The following NARF variants were observed in gnomAD, a reference collection of about 807,000 sequenced individuals.
NARF encodes the protein nuclear prelamin A recognition factor.
In NARF, 41 loss-of-function variants were observed where a neutral mutation model predicts 48.0. That is an observed-to-expected ratio of 0.85 (90% CI 0.66 to 1.11). The LOEUF (loss-of-function observed/expected upper bound fraction) is 1.11, where lower values mean the gene tolerates loss of function less well. NARF is among the 50% of genes least tolerant of loss of function. The pLI is 0.00. For missense variants in NARF, 613 were observed against 590.2 expected (o/e 1.04, Z -0.40); for synonymous variants, 215 against 225.5 (o/e 0.95, Z 0.42).
rs147954209 is a variant in NARF at position 82,484,262 on chromosome 17, T to G, written c.833+483T>G. 561 of 159,286 alleles carry G rather than the reference T, an allele frequency of 3.5e-3. 2 individuals are homozygous for G. The highest frequency in any genetic ancestry group is 0.013 in the African/African-American group (532 of 41,678). 9.9% of individuals were successfully genotyped at this position (159,286 alleles called of 1,614,324 possible). Reference sequence around the variant, plus strand: ...AGGGCTCCTGCTGCACCCCAGGCACTGGGCAGAGAGCACCACAAAGGCAGC... The same window carrying G: ...AGGGCTCCTGCTGCACCCCAGGCACGGGGCAGAGAGCACCACAAAGGCAGC... On this transcript the variant is annotated intron_variant, in intron 8 of 10. Coordinates refer to ENST00000309794, the MANE Select transcript of NARF (RefSeq NM_012336.4).
At chr17:82,483,285 C>G in intron 7 of NARF, 1 of 361,998 alleles carries the variant, frequency 2.8e-6, no homozygotes, top group Non-Finnish European at 5.4e-6. Context: ...CACCACTGGA[C>G]TCCAGCCTGG....
intron 3 of NARF, among the ~76,000 whole-genome samples, chr17:82,468,307 GT>G (rs1031079085): frequency 0.031 from 4,093 of 131,576 alleles, 150 homozygotes; most frequent in African/African-American, 0.094. Context: ...GTGAAACTCT[GT>G]TTTTTTTTTT....
rs3794729 is a variant in NARF at position 82,484,392 on chromosome 17, G to A, written c.834-421G>A. 1.4e-4 allele frequency: 23 copies of A among 161,904 alleles called. No homozygotes were observed. The East Asian group carries it at 4.0e-3, about 28-fold the overall frequency. The allele number at this position is 161,904 out of a possible 1,614,324, so 10.0% of individuals were successfully genotyped here. A position where few individuals can be genotyped will look rare whatever the true frequency, so the allele number is the denominator to read the frequency against. On this transcript the variant is annotated intron_variant, in intron 8 of 10. Coordinates refer to ENST00000309794, the MANE Select transcript of NARF (RefSeq NM_012336.4). ...AGAATTTAAGCATCTGTGGGGCCAGGCGTGGTGGCTCACACCTATAATCAC... is the reference window on the plus strand; with the variant it reads ...AGAATTTAAGCATCTGTGGGGCCAGACGTGGTGGCTCACACCTATAATCAC...
chr17:82,470,273 G>A (rs1000702352), intron 4 of NARF, among the ~76,000 whole-genome samples: 1 of 152,054 alleles, frequency 6.6e-6, no homozygotes, highest in East Asian at 1.9e-4. Context: ...ACAGCGACAG[G>A]TGCCCACACG....
intron 6 of NARF, among the ~76,000 whole-genome samples, chr17:82,479,736 C>T (rs1470167378): frequency 6.6e-6 from 1 of 152,232 alleles, no homozygotes; most frequent in Non-Finnish European, 1.5e-5. Context: ...AAAAGGCACG[C>T]ACATTTGGCA....
At chr17:82,459,969 T>C in intron 1 of NARF, 23 bp from the exon 2 acceptor site, 1 of 1,589,214 alleles carries the variant, frequency 6.3e-7, no homozygotes, top group Non-Finnish European at 8.6e-7. Context: ...AGTTCATTGA[T>C]AATGTTCCTT....
intron 10 of NARF, among the ~76,000 whole-genome samples, chr17:82,486,322 C>G (rs2044094536): frequency 6.6e-6 from 1 of 151,998 alleles, no homozygotes; most frequent in Non-Finnish European, 1.5e-5. Flanking sequence ...AACTGAGGAC[C>G]TTTGTGCCAT....
intron 6 of NARF, chr17:82,480,675 G>T: frequency 2.3e-6 from 1 of 436,826 alleles, no homozygotes. Context: ...GCTCACGCCT[G>T]TAATTCTAGT....
chr17:82,486,677 G>T (rs547834117), intron 10 of NARF, among the ~76,000 whole-genome samples: 105 of 152,290 alleles, frequency 6.9e-4, no homozygotes, highest in African/African-American at 2.5e-3. Context: ...CTCTGGGAGG[G>T]CCTCTGTGTG....
intron 7 of NARF, chr17:82,482,572 GT>G (rs1471995586): frequency 1.3e-5 from 2 of 153,234 alleles, no homozygotes; most frequent in Non-Finnish European, 2.9e-5. Context: ...TAGAGGCTCA[GT>G]TTTTCTATTA....
intron 3 of NARF, among the ~76,000 whole-genome samples, chr17:82,466,426 C>T (rs952201284): frequency 3.3e-5 from 5 of 152,116 alleles, no homozygotes; most frequent in African/African-American, 4.8e-5. Context: ...TATTTTAGTA[C>T]GGTGTGCGAT....
chr17:82,480,846 C>T (rs1169548261), intron 6 of NARF: 6 of 540,598 alleles, frequency 1.1e-5, no homozygotes, highest in Non-Finnish European at 1.6e-5. Context: ...GCAGGAGAAT[C>T]GCTTGAACCC....
At chr17:82,484,615 C>A in intron 8 of NARF, 198 bp from the exon 9 acceptor site, 1 of 532,194 alleles carries the variant, frequency 1.9e-6, no homozygotes. Context: ...CTCCGCCTTG[C>A]CCGAGCATCA....
intron 3 of NARF, among the ~76,000 whole-genome samples, chr17:82,464,888 C>T (rs1163062024): frequency 6.6e-6 from 1 of 152,240 alleles, no homozygotes; most frequent in Non-Finnish European, 1.5e-5. Context: ...TTCAGCTCAT[C>T]CCTGCAGACC....
chr17:82,469,662 A>G (rs557644198), intron 4 of NARF, among the ~76,000 whole-genome samples: 7 of 151,982 alleles, frequency 4.6e-5, no homozygotes, highest in Non-Finnish European at 1.0e-4. Context: ...CTGGAGTGCA[A>G]TGATGCGATC....
Position 82,468,786 on chromosome 17 carries a change from AAGTGCT to A in NARF, c.276_281del (p.Leu94_Val95del). 6.2e-7 allele frequency: 1 copy of A among 1,613,940 alleles called. No individual in the cohort carries two copies. Among genetic ancestry groups the A allele is most frequent in the Non-Finnish European group, 8.5e-7 (1 of 1,179,924 alleles). ...TAGAAATGTGATACCTCAAAGCACA[AAGTGCT>A]GGTAGTGTCTGTGTGTCCTCAATCT... is the stretch of plus-strand genomic sequence containing the variant. On this transcript the variant is annotated inframe_deletion, in exon 4 of 11. Transcript: ENST00000309794.
At position 82,489,481 on chromosome 17, in the gene NARF, T is replaced by G. The variant is rs2143985429; in HGVS notation, c.*1324T>G. 1 of 152,544 alleles carries G rather than the reference T, an allele frequency of 6.6e-6. No homozygotes were observed. Among genetic ancestry groups the G allele is most frequent in the East Asian group, 1.9e-4 (1 of 5,180 alleles). 9.4% of individuals were successfully genotyped at this position (152,544 alleles called of 1,614,324 possible). ...GGGTGCAGGGGGCCCCAGCTCATCA[T>G]CAGCACTGTCGTGGGGTGGGAGTCG... On this transcript the variant is annotated 3_prime_UTR_variant, in exon 11 of 11. Transcript: ENST00000309794.
chr17:82,472,534 T>C, intron 4 of NARF, 30 bp from the exon 5 acceptor site: 1 of 1,570,128 alleles, frequency 6.4e-7, no homozygotes, highest in Non-Finnish European at 8.6e-7. Flanking sequence ...AGTACGTGAT[T>C]TAAGCTGAAT....
chr17:82,462,113 C>T (rs1033317609), intron 2 of NARF, among the ~76,000 whole-genome samples: 1 of 152,294 alleles, frequency 6.6e-6, no homozygotes, highest in Admixed American at 6.5e-5. Flanking sequence ...ACCTCCCTCC[C>T]AGGACTGTGG....
Sources: allele counts gnomAD v4.1 joint callset (sites outside exome capture counted in the v4.1 genomes callset), GRCh38; gene constraint gnomAD v4.1.1; transcripts MANE v1.5; gene names NCBI Gene and HGNC (gene_info 2026-07-23, HGNC 2026-07-21).